Variants in GRM8 observed in about 807,000 individuals in gnomAD.
GRM8 encodes glutamate metabotropic receptor 8.
GRM8 carries 47 observed loss-of-function variants against 87.2 expected under a neutral mutation model. That is an observed-to-expected ratio of 0.54 (90% confidence interval 0.43 to 0.69). The LOEUF is 0.69. Among genes scored for constraint, GRM8 ranks in the 30% least tolerant of loss-of-function variants. The pLI is 0.00. For synonymous variants in GRM8, 396 were observed against 404.5 expected, an observed-to-expected ratio of 0.98 and a Z score of 0.25; for missense variants, 1,019 against 1,139.2, an observed-to-expected ratio of 0.89 and a Z score of 1.52.
intron 9 of GRM8, among the ~76,000 whole-genome samples, chr7:126,473,735 G>T (rs1016065043): frequency 2.0e-4 from 30 of 152,262 alleles, no homozygotes; most frequent in African/African-American, 7.0e-4. Flanking sequence ...AGCTCCCACA[G>T]TCCCCATGTG....
rs148887320 is a variant in GRM8, at chr7:126,534,722, C to A, written c.1495-835G>T. Among the ~76,000 whole-genome samples the A allele has an allele frequency of 1.9e-3, 285 of 152,342 alleles. 1 individual carries two copies. The highest frequency in any genetic ancestry group is 6.1e-3 in the African/African-American group (255 of 41,574). On this transcript the variant is annotated intron_variant, in intron 8 of 10. Coordinates refer to ENST00000339582, the MANE Select transcript of GRM8 (RefSeq NM_000845.3). ...GAAAGAGACAGCACCAATCATTGATCTCTTACCTTTAATTTGCTTTTCTTA... is the reference window on the plus strand; with the variant it reads ...GAAAGAGACAGCACCAATCATTGATATCTTACCTTTAATTTGCTTTTCTTA...
chr7:127,012,597 A>G (rs1295361590), intron 3 of GRM8, among the ~76,000 whole-genome samples: 2 of 152,040 alleles, frequency 1.3e-5, no homozygotes, highest in Non-Finnish European at 2.9e-5. Context: ...TTTTCTTGCA[A>G]TGTTTTTCCT....
chr7:127,058,064 T>C (rs905612421), intron 3 of GRM8: 1 of 449,082 alleles, frequency 2.2e-6, no homozygotes, highest in African/African-American at 2.0e-5. Context: ...TAAAAACCCT[T>C]CTGGAATCAC....
chr7:126,742,357 AG>A (rs1815105490), intron 7 of GRM8, among the ~76,000 whole-genome samples: 1 of 152,112 alleles, frequency 6.6e-6, no homozygotes, highest in South Asian at 2.1e-4. Flanking sequence ...GAGGCTGAAA[AG>A]GCAAGGGAAA....
chr7:127,016,936 A>T (rs1042870947), intron 3 of GRM8, among the ~76,000 whole-genome samples: 12 of 152,034 alleles, frequency 7.9e-5, no homozygotes, highest in Non-Finnish European at 1.8e-4. Context: ...TATTCATTCA[A>T]TATATTCAGA....
intron 6 of GRM8, among the ~76,000 whole-genome samples, chr7:126,798,078 T>A (rs1329668141): frequency 6.6e-6 from 1 of 152,074 alleles, no homozygotes; most frequent in Non-Finnish European, 1.5e-5. Flanking sequence ...CTAAAGAAAG[T>A]CTCAGAATTC....
chr7:127,170,457 A>G (rs1466513848), intron 2 of GRM8, among the ~76,000 whole-genome samples: 8 of 152,246 alleles, frequency 5.3e-5, no homozygotes, highest in Non-Finnish European at 2.9e-5. Context: ...CTAAATGTAG[A>G]GCTACCATTT....
chr7:126,489,571 G>A lies in GRM8; in HGVS notation c.2431-43199C>T, dbSNP rs1020890153. ...TAAAGAAAAACAAGACTTTGAAGAC[G>A]TATTACAGATTTATACAGGATACCA... On this transcript the variant is annotated intron_variant, in intron 9 of 10. Coordinates refer to ENST00000339582, the MANE Select transcript of GRM8 (RefSeq NM_000845.3). Among the ~76,000 whole-genome samples the A allele has an allele frequency of 3.9e-5, 6 of 151,984 alleles. No individual in the cohort carries two copies. The East Asian group carries it at 5.8e-4, about 15-fold the overall frequency.
At chr7:126,575,378 T>C (rs185705736) in intron 8 of GRM8, among the ~76,000 whole-genome samples, 105 of 151,996 alleles carry the variant, frequency 6.9e-4, no homozygotes, top group African/African-American at 2.4e-3. Flanking sequence ...TTCTACATTA[T>C]GGTGAGTTGT....
rs79120294 is a variant in GRM8, at chr7:126,493,713, C to T, written c.2430+39239G>A. Among the ~76,000 whole-genome samples, 49 of 152,060 alleles carry T rather than the reference C, an allele frequency of 3.2e-4. No individual in the cohort carries two copies. The East Asian group carries it at 8.2e-3, about 25-fold the overall frequency. ...AGAGTCCCTGACCTCTATCAGGGTG[C>T]TTTTTCATTTTCTAAGTTGGAATAA... On this transcript the variant is annotated intron_variant, in intron 9 of 10. Coordinates refer to ENST00000339582, the MANE Select transcript of GRM8 (RefSeq NM_000845.3).
At chr7:126,632,435 G>A (rs1306348187) in intron 7 of GRM8, among the ~76,000 whole-genome samples, 2 of 152,132 alleles carry the variant, frequency 1.3e-5, no homozygotes, top group Non-Finnish European at 2.9e-5. Flanking sequence ...CTGTTGGTGG[G>A]AATGTAAATT....
intron 7 of GRM8, among the ~76,000 whole-genome samples, chr7:126,668,891 C>T (rs1415625190): frequency 1.3e-5 from 2 of 152,052 alleles, no homozygotes; most frequent in African/African-American, 4.8e-5. Context: ...TATTGATGGA[C>T]ATTTGGGTTG....
At chr7:126,674,183 T>C (rs1806696315) in intron 7 of GRM8, among the ~76,000 whole-genome samples, 1 of 152,230 alleles carries the variant, frequency 6.6e-6, no homozygotes, top group Non-Finnish European at 1.5e-5. Context: ...TCTACTGTAC[T>C]GCTTACTAGA....
intron 2 of GRM8, among the ~76,000 whole-genome samples, chr7:127,149,438 A>G (rs1445129322): frequency 6.6e-6 from 1 of 152,104 alleles, no homozygotes; most frequent in Admixed American, 6.6e-5. Context: ...AGGTATGGAA[A>G]AAGGGAACTC....
At chr7:126,477,375 G>C (rs2150578418) in intron 9 of GRM8, among the ~76,000 whole-genome samples, 1 of 152,066 alleles carries the variant, frequency 6.6e-6, no homozygotes, top group Admixed American at 6.6e-5. Flanking sequence ...GATCTTAAGT[G>C]TTCTCACCTG....
chr7:126,692,905 G>A (rs1808976298), intron 7 of GRM8, among the ~76,000 whole-genome samples: 1 of 152,082 alleles, frequency 6.6e-6, no homozygotes, highest in Admixed American at 6.5e-5. Context: ...AAAATTAGTA[G>A]GTTATACTTT....
At chr7:126,726,785 C>A (rs1391479552) in intron 7 of GRM8, among the ~76,000 whole-genome samples, 1 of 152,032 alleles carries the variant, frequency 6.6e-6, no homozygotes, top group African/African-American at 2.4e-5. Context: ...TTTTAAAAAT[C>A]TGAAACTGTA....
At chr7:126,957,601 T>C (rs1808855234) in intron 3 of GRM8, among the ~76,000 whole-genome samples, 1 of 152,194 alleles carries the variant, frequency 6.6e-6, no homozygotes, top group South Asian at 2.1e-4. Flanking sequence ...CCAGGCACTG[T>C]TGCAACTCAG....
chr7:127,152,748 A>C (rs918333181), intron 2 of GRM8, among the ~76,000 whole-genome samples: 1 of 152,158 alleles, frequency 6.6e-6, no homozygotes, highest in Non-Finnish European at 1.5e-5. Flanking sequence ...GATGCATCTG[A>C]TGACACTTGG....
Sources: allele counts gnomAD v4.1 joint callset (sites outside exome capture counted in the v4.1 genomes callset), GRCh38; gene constraint gnomAD v4.1.1; transcripts MANE v1.5; gene names NCBI Gene and HGNC (gene_info 2026-07-23, HGNC 2026-07-21).